UST: variants seen among roughly 807,000 people sequenced by gnomAD.
UST encodes chondroitin sulfate 2-O-sulfotransferase.
A neutral mutation model predicts 45.6 loss-of-function variants in UST; 21 were observed. The ratio of observed to expected loss-of-function variants is 0.46; its 90% CI spans 0.33 to 0.66. The LOEUF (loss-of-function observed/expected upper bound fraction) is 0.66. Among genes scored for constraint, UST ranks in the 30% least tolerant of loss-of-function variants. The pLI, the probability that UST is intolerant of heterozygous loss-of-function variation, is 0.02. For missense variants in UST, 463 were observed against 512.4 expected (o/e 0.90, Z 0.93); for synonymous variants, 215 against 200.6 (o/e 1.07, Z -0.61).
chr6:148,966,373 G>A (rs1417450878), intron 5 of UST, among the ~76,000 whole-genome samples: 1 of 151,916 alleles, frequency 6.6e-6, no homozygotes, highest in African/African-American at 2.4e-5. Flanking sequence ...ATTTGTTTTG[G>A]ATCTTGATTA....
intron 1 of UST, among the ~76,000 whole-genome samples, chr6:148,772,441 G>A (rs1337190708): frequency 7.6e-6 from 1 of 131,586 alleles, no homozygotes; most frequent in Admixed American, 7.6e-5. Context: ...TTTTTTTTTT[G>A]AGTTGGAGTC....
chr6:148,776,398 T>C (rs1196071063), intron 1 of UST, among the ~76,000 whole-genome samples: 1 of 152,194 alleles, frequency 6.6e-6, no homozygotes, highest in Non-Finnish European at 1.5e-5. Context: ...GGGAGTGTGG[T>C]CAATGACGCA....
intron 5 of UST, among the ~76,000 whole-genome samples, chr6:148,981,593 T>C (rs1781135975): frequency 6.6e-6 from 1 of 152,246 alleles, no homozygotes; most frequent in Non-Finnish European, 1.5e-5. Context: ...CTTTTTCACC[T>C]GTACTTCTTC....
intron 2 of UST, among the ~76,000 whole-genome samples, chr6:148,925,481 T>C (rs1043177357): frequency 2.0e-5 from 3 of 152,208 alleles, no homozygotes; most frequent in African/African-American, 7.2e-5. Flanking sequence ...CTTTAAAGTT[T>C]ATAGTAGTAG....
intron 1 of UST, among the ~76,000 whole-genome samples, chr6:148,852,967 CT>C (rs1485292213): frequency 1.3e-5 from 2 of 152,156 alleles, no homozygotes; most frequent in Non-Finnish European, 2.9e-5. Flanking sequence ...CTTTTCTTTT[CT>C]TTTAAAATTC....
chr6:148,883,567 C>T (rs762221736), intron 1 of UST, among the ~76,000 whole-genome samples: 1 of 152,164 alleles, frequency 6.6e-6, no homozygotes, highest in Non-Finnish European at 1.5e-5. Flanking sequence ...CAAGGGCTTA[C>T]TTGGTGCTTA....
chr6:148,749,217 A>G (rs968747779), intron 1 of UST, among the ~76,000 whole-genome samples: 2 of 152,164 alleles, frequency 1.3e-5, no homozygotes, highest in Non-Finnish European at 2.9e-5. Flanking sequence ...TCTTCTTTTC[A>G]TAAGTTCTGT....
In UST at chr6:148,906,040, C is replaced by T. The variant is rs1039442922; in HGVS notation, c.291+19011C>T. 1.2e-4 allele frequency among the ~76,000 whole-genome samples: 18 copies of T among 149,436 alleles called. 1 individual carries two copies. The highest frequency in any genetic ancestry group is 3.9e-4 in the African/African-American group (15 of 38,836). The stretch of plus-strand genomic sequence containing the variant: ...ACTAATTATGTGTACCTAGAGGAAT[C>T]CTTTCATCTGGCAGTCAGAGGTATC... On this transcript the variant is annotated intron_variant, in intron 2 of 7. Transcript: ENST00000367463.
intron 1 of UST, among the ~76,000 whole-genome samples, chr6:148,792,070 G>A (rs569844837): frequency 8.5e-5 from 13 of 152,314 alleles, no homozygotes; most frequent in African/African-American, 3.1e-4. Context: ...GGTCTGAGAA[G>A]AGGGGACGAG....
chr6:148,755,391 T>C (rs1776075703), intron 1 of UST, among the ~76,000 whole-genome samples: 1 of 152,232 alleles, frequency 6.6e-6, no homozygotes, highest in Admixed American at 6.5e-5. Flanking sequence ...GTTTCAAAAA[T>C]ATATATAATC....
intron 7 of UST, among the ~76,000 whole-genome samples, chr6:149,049,785 C>T (rs975476460): frequency 6.6e-6 from 1 of 152,126 alleles, no homozygotes; most frequent in Non-Finnish European, 1.5e-5. Flanking sequence ...TCCTGGGTTC[C>T]ACTTTTTGTC....
chr6:148,786,700 T>G (rs763168641), intron 1 of UST, among the ~76,000 whole-genome samples: 1 of 152,196 alleles, frequency 6.6e-6, no homozygotes, highest in Non-Finnish European at 1.5e-5. Context: ...AATGAACATA[T>G]GCGTGCATGT....
intron 2 of UST, 49 bp from the exon 3 acceptor site, chr6:148,941,230 G>T: frequency 6.2e-7 from 1 of 1,602,202 alleles, no homozygotes; most frequent in Non-Finnish European, 8.5e-7. Context: ...AGAATCCTAA[G>T]TATTTCCATA....
intron 5 of UST, among the ~76,000 whole-genome samples, chr6:148,976,080 T>C (rs1781010641): frequency 6.6e-6 from 1 of 151,894 alleles, no homozygotes; most frequent in African/African-American, 2.4e-5. Context: ...TATAAATCAG[T>C]AAAAAAAAGA....
chr6:148,848,625 C>G (rs948253895), intron 1 of UST, among the ~76,000 whole-genome samples: 3 of 149,778 alleles, frequency 2.0e-5, no homozygotes, highest in Admixed American at 2.0e-4. Flanking sequence ...GAGCCGAGAT[C>G]GCACCACTGC....
chr6:148,761,889 T>C (rs181760119), intron 1 of UST, among the ~76,000 whole-genome samples: 58 of 152,322 alleles, frequency 3.8e-4, no homozygotes, highest in Middle Eastern at 3.4e-3. Context: ...CAACAGTCCA[T>C]AGAAGCAGCT....
At chr6:148,807,534 C>T (rs1246078050) in intron 1 of UST, among the ~76,000 whole-genome samples, 1 of 152,022 alleles carries the variant, frequency 6.6e-6, no homozygotes, top group East Asian at 1.9e-4. Context: ...ACTGGTTTTC[C>T]TCTCTCTTCC....
At chr6:149,011,799 G>A (rs1014518960) in intron 5 of UST, among the ~76,000 whole-genome samples, 7 of 152,318 alleles carry the variant, frequency 4.6e-5, no homozygotes, top group South Asian at 2.1e-4. Flanking sequence ...GCGACAGAGC[G>A]AGACTTCATC....
rs1489930636 is a variant in UST, at chr6:149,075,770, A to G, written c.*1654A>G. The G allele has an allele frequency of 2.6e-5, 4 of 152,198 alleles. No individual in the cohort carries two copies. The highest frequency in any genetic ancestry group is 5.9e-5 in the Non-Finnish European group (4 of 68,030). 9.4% of individuals were successfully genotyped at this position (152,198 alleles called of 1,614,324 possible). A position where few individuals can be genotyped will look rare whatever the true frequency, so the allele number is the denominator to read the frequency against. ...CTGCCACAAATTTTGTCTATTTCAT[A>G]TTTGTCCCCTAGAGCCAGCCCTAGC... is the stretch of plus-strand genomic sequence containing the variant. On this transcript the variant is annotated 3_prime_UTR_variant, in exon 8 of 8. Coordinates refer to ENST00000367463, the MANE Select transcript of UST (RefSeq NM_005715.3).
Sources: gnomAD v4.1 joint callset for allele counts (sites outside exome capture counted in the v4.1 genomes callset) on GRCh38, gnomAD v4.1.1 for gene constraint, MANE v1.5 for transcripts, NCBI Gene and HGNC (gene_info 2026-07-23, HGNC 2026-07-21) for gene names.